CYTH3: variants seen among roughly 807,000 people sequenced by gnomAD.
CYTH3 encodes the protein cytohesin 3.
Under a neutral mutation model 55.1 loss-of-function variants are expected in CYTH3, and 23 were observed. That is an observed-to-expected ratio of 0.42 (90% CI 0.30 to 0.59). The LOEUF (loss-of-function observed/expected upper bound fraction) is 0.59, where lower values mean the gene tolerates loss of function less well. Ranked by LOEUF, CYTH3 falls within the 20% of genes least tolerant of loss-of-function variation. CYTH3 has a pLI of 0.20. For missense variants in CYTH3, 413 were observed against 524.8 expected, an observed-to-expected ratio of 0.79 and a Z score of 2.08; for synonymous variants, 249 against 194.9, an observed-to-expected ratio of 1.28 and a Z score of -2.31.
rs894520057 is a variant in CYTH3 at position 6,187,809 on chromosome 7, C to T, written c.118-88G>A. 5.2e-5 allele frequency: 56 copies of T among 1,075,272 alleles called. No individual in the cohort carries two copies. In the African/African-American group the frequency reaches 7.7e-4, roughly 15 times the overall value. 66.6% of individuals were successfully genotyped at this position (1,075,272 alleles called of 1,614,324 possible). A position where few individuals can be genotyped will look rare whatever the true frequency, so the allele number is the denominator to read the frequency against. On this transcript the variant is annotated intron_variant, in intron 2 of 12. Coordinates refer to ENST00000350796, the MANE Select transcript of CYTH3 (RefSeq NM_004227.4). ...GAAATTTTAGTTCTCTTGTGACAAG[C>T]TTCCCTGCGGTCTCACCGGAGCATC...
intron 1 of CYTH3, among the ~76,000 whole-genome samples, chr7:6,252,906 G>A (rs149800791): frequency 8.0e-4 from 122 of 152,092 alleles, no homozygotes; most frequent in African/African-American, 2.7e-3. Context: ...AACTACCTCC[G>A]GATGGGTGTG....
chr7:6,172,343 G>C (rs1224720361), intron 6 of CYTH3, among the ~76,000 whole-genome samples: 3 of 151,818 alleles, frequency 2.0e-5, no homozygotes, highest in Non-Finnish European at 4.4e-5. Context: ...TCTCCGCCAG[G>C]CCTGCACCAG....
At chr7:6,218,792 G>A (rs968739467) in intron 1 of CYTH3, among the ~76,000 whole-genome samples, 7 of 152,070 alleles carry the variant, frequency 4.6e-5, no homozygotes, top group African/African-American at 1.4e-4. Context: ...AGGTCACGAG[G>A]TCAGGAGATC....
In CYTH3 at chr7:6,169,462, C is replaced by T. The variant is rs1038069346; in HGVS notation, c.823+1073G>A. Among the ~76,000 whole-genome samples the T allele has an allele frequency of 1.3e-5, 2 of 152,178 alleles. No individual in the cohort carries two copies. The highest frequency in any genetic ancestry group is 4.8e-5 in the African/African-American group (2 of 41,438). ...CCTGGCCTAAGCAATCCTCCCACCTCAGCCTCCCAAAGCACTAGGATTACA... is the reference window on the plus strand; with the variant it reads ...CCTGGCCTAAGCAATCCTCCCACCTTAGCCTCCCAAAGCACTAGGATTACA... On this transcript the variant is annotated intron_variant, in intron 9 of 12. Transcript: ENST00000350796. The surrounding 1 kb of genome is among the most constrained non-coding windows in gnomAD (Gnocchi z 4.1).
At chr7:6,204,792 C>G (rs1009679355) in intron 1 of CYTH3, among the ~76,000 whole-genome samples, 1 of 152,148 alleles carries the variant, frequency 6.6e-6, no homozygotes, top group Non-Finnish European at 1.5e-5. Flanking sequence ...TTTCCTGTAT[C>G]GAACTATAAC....
At chr7:6,229,651 A>C (rs945634079) in intron 1 of CYTH3, among the ~76,000 whole-genome samples, 60 of 150,404 alleles carry the variant, frequency 4.0e-4, no homozygotes, top group African/African-American at 1.4e-3. Flanking sequence ...CTCTACTGAA[A>C]AAAAAAAAAA....
intron 10 of CYTH3, 33 bp from the exon 11 acceptor site, chr7:6,165,649 G>A (rs752862361): frequency 1.5e-5 from 24 of 1,612,982 alleles, no homozygotes; most frequent in Middle Eastern, 3.3e-4. Flanking sequence ...GGGGCTCACT[G>A]TGGGTCACCA....
chr7:6,165,862 G>C (rs75683774), intron 9 of CYTH3, 52 bp from the exon 10 acceptor site: 2 of 1,568,800 alleles, frequency 1.3e-6, no homozygotes, highest in Non-Finnish European at 1.8e-6. Flanking sequence ...GGGAGCCCGC[G>C]GGTCCAAGAG....
chr7:6,168,635 C>G (rs1424054329), intron 9 of CYTH3, among the ~76,000 whole-genome samples: 1 of 152,220 alleles, frequency 6.6e-6, no homozygotes, highest in African/African-American at 2.4e-5. Context: ...CTCCAGGGCC[C>G]CTGCGCTTGG....
chr7:6,265,723 G>A (rs1332037721), intron 1 of CYTH3, among the ~76,000 whole-genome samples: 4 of 151,998 alleles, frequency 2.6e-5, no homozygotes, highest in Non-Finnish European at 4.4e-5. Context: ...TCAATAAACC[G>A]AGGAAAGAGC....
chr7:6,219,465 T>G (rs1199172519), intron 1 of CYTH3, among the ~76,000 whole-genome samples: 2 of 152,200 alleles, frequency 1.3e-5, no homozygotes. Flanking sequence ...CAGGAAAAAG[T>G]GCTCTAAGGA....
chr7:6,269,246 T>C (rs1780588967), intron 1 of CYTH3, among the ~76,000 whole-genome samples: 1 of 152,146 alleles, frequency 6.6e-6, no homozygotes, highest in Admixed American at 6.5e-5. Flanking sequence ...TACTTTACAC[T>C]CTTACCCGTA....
chr7:6,248,226 C>T (rs1281822816), intron 1 of CYTH3, among the ~76,000 whole-genome samples: 2 of 149,406 alleles, frequency 1.3e-5, no homozygotes, highest in East Asian at 2.0e-4. Flanking sequence ...TAGACCCATC[C>T]TCCCCCAACC....
chr7:6,259,777 TATATATA>T lies in CYTH3; in HGVS notation c.34+12690_34+12696del, dbSNP rs1208754732. 8.0e-4 allele frequency among the ~76,000 whole-genome samples: 16 copies of T among 19,956 alleles called. No homozygotes were observed. In the Admixed American group the frequency reaches 0.01, roughly 13 times the overall value. The allele number at this position is 19,956 out of a possible 152,430, so 13.1% of individuals were successfully genotyped here. On this transcript the variant is annotated intron_variant, in intron 1 of 12. Coordinates refer to ENST00000350796, the MANE Select transcript of CYTH3 (RefSeq NM_004227.4). ...ATATATTATATATATATATATTATA[TATATATA>T]ATATATATATATATATATATATATA...
In CYTH3 at chr7:6,170,600, T is replaced by C; in HGVS notation, c.758A>G (p.Asp253Gly). The C allele has an allele frequency of 1.2e-6, 2 of 1,613,960 alleles. No individual in the cohort carries two copies. The highest frequency in any genetic ancestry group is 8.5e-7 in the Non-Finnish European group (1 of 1,179,890). The change falls in exon 9 of 13, where the codon GAC (aspartate) becomes GGC (glycine). Residue 253 changes from aspartate (D) to glycine (G), a missense_variant. By Grantham distance (94) the Asp-to-Gly change is moderately conservative. Coordinates refer to ENST00000350796, the MANE Select transcript of CYTH3 (RefSeq NM_004227.4). The surrounding 1 kb of genome is among the most constrained non-coding windows in gnomAD (Gnocchi z 7.8). ...IKNEPFKIPE[D>G]DGNDLTHTFF... Reference sequence around the variant, plus strand: ...GGTGTGGGTCAGGTCGTTCCCGTCGTCCTCCGGGATCTTAAATGGCTCGTT... The same window carrying C: ...GGTGTGGGTCAGGTCGTTCCCGTCGCCCTCCGGGATCTTAAATGGCTCGTT...
chr7:6,258,317 A>T (rs1432323769), intron 1 of CYTH3, among the ~76,000 whole-genome samples: 1 of 151,702 alleles, frequency 6.6e-6, no homozygotes, highest in Non-Finnish European at 1.5e-5. Flanking sequence ...AGTCTCAAAA[A>T]AAAAAAAGAA....
intron 1 of CYTH3, among the ~76,000 whole-genome samples, chr7:6,246,644 G>A (rs1173294753): frequency 6.6e-6 from 1 of 151,936 alleles, no homozygotes; most frequent in Non-Finnish European, 1.5e-5. Context: ...AATAAAGGCT[G>A]GGCTTTTACT....
intron 1 of CYTH3, among the ~76,000 whole-genome samples, chr7:6,211,685 T>C (rs1468432068): frequency 6.6e-6 from 1 of 152,164 alleles, no homozygotes; most frequent in Non-Finnish European, 1.5e-5. Flanking sequence ...TGACTATAGT[T>C]ACCCTGTTGT....
chr7:6,227,412 G>A (rs1389160564), intron 1 of CYTH3, among the ~76,000 whole-genome samples: 1 of 151,938 alleles, frequency 6.6e-6, no homozygotes. Flanking sequence ...CATCTCAATA[G>A]ATGGAAAAAT....
Sources: allele counts gnomAD v4.1 joint callset (sites outside exome capture counted in the v4.1 genomes callset), GRCh38; gene constraint gnomAD v4.1.1; non-coding constraint Gnocchi (gnomAD v3.1); transcripts MANE v1.5; gene names NCBI Gene and HGNC (gene_info 2026-07-23, HGNC 2026-07-21).